Variants in BICD1 observed in about 807,000 individuals in gnomAD.
The protein encoded by BICD1 is BICD cargo adaptor 1.
Under a neutral mutation model 92.5 loss-of-function variants are expected in BICD1, and 35 were observed. That is an observed-to-expected ratio of 0.38 (90% CI 0.29 to 0.50). The LOEUF (loss-of-function observed/expected upper bound fraction) is 0.50. Among genes scored for constraint, BICD1 ranks in the 20% least tolerant of loss-of-function variants. BICD1 has a pLI of 0.93. For synonymous variants in BICD1, 429 were observed against 465.1 expected (o/e 0.92, Z 1.00); for missense variants, 950 against 1,189.8 (o/e 0.80, Z 2.97).
At chr12:32,274,717 A>C (rs1436264435) in intron 2 of BICD1, among the ~76,000 whole-genome samples, 2 of 152,206 alleles carry the variant, frequency 1.3e-5, no homozygotes, top group African/African-American at 4.8e-5. Flanking sequence ...CCATTCCAAC[A>C]ACAAATCACG....
At chr12:32,311,883 T>C (rs1565662310) in intron 4 of BICD1, among the ~76,000 whole-genome samples, 1 of 152,228 alleles carries the variant, frequency 6.6e-6, no homozygotes, top group Non-Finnish European at 1.5e-5. Flanking sequence ...TGCAGGGCAA[T>C]TTCAAGGTAT....
At chr12:32,185,647 C>A (rs1259899407) in intron 1 of BICD1, among the ~76,000 whole-genome samples, 3 of 152,178 alleles carry the variant, frequency 2.0e-5, no homozygotes, top group Non-Finnish European at 4.4e-5. Context: ...GCTCTGGGGA[C>A]CTGCAGTCGT....
At chr12:32,154,872 G>T (rs968573884) in intron 1 of BICD1, among the ~76,000 whole-genome samples, 13 of 152,238 alleles carry the variant, frequency 8.5e-5, no homozygotes, top group African/African-American at 3.1e-4. Context: ...TTATTGATGG[G>T]TTGTCGATAA....
chr12:32,332,577 C>T, intron 5 of BICD1: 1 of 454,968 alleles, frequency 2.2e-6, no homozygotes, highest in Non-Finnish European at 2.9e-6. Flanking sequence ...GACTCAGCCT[C>T]CTGGGGATGT....
chr12:32,111,025 T>A (rs1468944480), intron 1 of BICD1, among the ~76,000 whole-genome samples: 1 of 152,098 alleles, frequency 6.6e-6, no homozygotes, highest in Non-Finnish European at 1.5e-5. Flanking sequence ...TTAAAAATGG[T>A]TGAAATTTAA....
intron 8 of BICD1, among the ~76,000 whole-genome samples, chr12:32,341,323 CAG>C (rs1938358064): frequency 6.6e-6 from 1 of 151,784 alleles, no homozygotes; most frequent in Non-Finnish European, 1.5e-5. Flanking sequence ...AAAAATTAGC[CAG>C]GTGTGGTAGT....
chr12:32,136,457 A>C (rs1181730066), intron 1 of BICD1, among the ~76,000 whole-genome samples: 1 of 152,162 alleles, frequency 6.6e-6, no homozygotes, highest in Non-Finnish European at 1.5e-5. Context: ...TCATGGGCCA[A>C]ATGCAGGGCT....
intron 1 of BICD1, among the ~76,000 whole-genome samples, chr12:32,172,261 G>A (rs905732305): frequency 2.0e-5 from 3 of 152,230 alleles, no homozygotes; most frequent in African/African-American, 7.2e-5. Flanking sequence ...ACAGGGATTG[G>A]CTAGTTTGGT....
intron 1 of BICD1, among the ~76,000 whole-genome samples, chr12:32,134,011 G>A (rs564466759): frequency 6.6e-6 from 1 of 152,222 alleles, no homozygotes; most frequent in Admixed American, 6.5e-5. Flanking sequence ...TTGATCTCCT[G>A]ACCTGGTGAT....
chr12:32,375,816 T>C (rs1262876481), intron 9 of BICD1, among the ~76,000 whole-genome samples: 3 of 152,150 alleles, frequency 2.0e-5, no homozygotes, highest in Non-Finnish European at 4.4e-5. Context: ...GTACCAAAGA[T>C]AAAAATTATT....
intron 3 of BICD1, among the ~76,000 whole-genome samples, chr12:32,297,805 A>ATTTATTCG (rs11274729): frequency 6.6e-6 from 1 of 151,732 alleles, no homozygotes; most frequent in Non-Finnish European, 1.5e-5. Context: ...TAAAGAGTCT[A>ATTTATTCG]TTTACATTCC....
At chr12:32,345,922 A>G (rs7956511) in intron 8 of BICD1, among the ~76,000 whole-genome samples, 82,190 of 151,634 alleles carry the variant, frequency 0.54, 23,184 homozygotes, top group African/African-American at 0.72. Flanking sequence ...GGCCAAAATG[A>G]AGGATCACTT....
intron 5 of BICD1, among the ~76,000 whole-genome samples, 193 bp from the exon 6 acceptor site, chr12:32,334,317 CATTATG>C (rs1938009932): frequency 6.6e-6 from 1 of 152,208 alleles, no homozygotes; most frequent in Admixed American, 6.5e-5. Flanking sequence ...AATTTAACCA[CATTATG>C]AATTCACAAC....
intron 2 of BICD1, among the ~76,000 whole-genome samples, chr12:32,247,515 A>G (rs1271922565): frequency 6.6e-6 from 1 of 152,122 alleles, no homozygotes; most frequent in Admixed American, 6.5e-5. Flanking sequence ...ATGGTGGCTC[A>G]CACCTGTAAT....
intron 4 of BICD1, among the ~76,000 whole-genome samples, chr12:32,315,219 T>C (rs1032705421): frequency 6.6e-6 from 1 of 152,222 alleles, no homozygotes; most frequent in Admixed American, 6.5e-5. Context: ...TATTCTATTC[T>C]TTCTTTCCCC....
chr12:32,340,269 G>C (rs759102180), intron 8 of BICD1: 34 of 985,248 alleles, frequency 3.5e-5, no homozygotes, highest in Non-Finnish European at 4.1e-5. Context: ...GTGATAATGA[G>C]TTGGAATGGT....
chr12:32,297,394 G>T (rs956235382), intron 3 of BICD1, among the ~76,000 whole-genome samples: 3 of 151,862 alleles, frequency 2.0e-5, no homozygotes, highest in African/African-American at 4.8e-5. Context: ...ACAGGGTTTT[G>T]CCATGTTGCC....
rs1457225523 is a variant in BICD1, at chr12:32,216,241, C to T, written c.214-6C>T. 1 of 1,612,620 alleles carries T rather than the reference C, an allele frequency of 6.2e-7. No individual in the cohort carries two copies. The highest frequency in any genetic ancestry group is 1.3e-5 in the African/African-American group (1 of 74,994). ...TGTACTCTTTTTCTTCCCATATACT[C>T]TGCAGGCATTTGGGCAGTCCTTCTC... On this transcript the variant is annotated splice_polypyrimidine_tract_variant and splice_region_variant and intron_variant, in intron 1 of 9. Transcript: ENST00000652176.
intron 1 of BICD1, among the ~76,000 whole-genome samples, chr12:32,211,539 C>G (rs1945215293): frequency 2.0e-5 from 3 of 152,000 alleles, no homozygotes; most frequent in Non-Finnish European, 2.9e-5. Context: ...GCTCTTAAGA[C>G]TTTAGGGGTT....
Sources: allele counts gnomAD v4.1 joint callset (sites outside exome capture counted in the v4.1 genomes callset), GRCh38; gene constraint gnomAD v4.1.1; transcripts MANE v1.5; gene names NCBI Gene and HGNC (gene_info 2026-07-23, HGNC 2026-07-21).